Variants in CNTN5 observed in about 807,000 individuals in gnomAD.
The protein encoded by CNTN5 is contactin-5.
In CNTN5, 77 loss-of-function variants were observed where a neutral mutation model predicts 129.1. The ratio of observed to expected loss-of-function variants is 0.60; its 90% CI spans 0.50 to 0.72. The LOEUF is 0.72. Among genes scored for constraint, CNTN5 ranks in the 30% least tolerant of loss-of-function variants. CNTN5 has a pLI of 0.00. For synonymous variants in CNTN5, 509 were observed against 465.6 expected (o/e 1.09, Z -1.20); for missense variants, 1,478 against 1,328.8 (o/e 1.11, Z -1.75).
chr11:99,761,103 A>C (rs1454244315), intron 3 of CNTN5, among the ~76,000 whole-genome samples: 2 of 152,108 alleles, frequency 1.3e-5, no homozygotes, highest in Non-Finnish European at 2.9e-5. Flanking sequence ...TATGACAAGG[A>C]TGATATATGT....
At chr11:99,465,834 G>A (rs1437680265) in intron 2 of CNTN5, among the ~76,000 whole-genome samples, 8 of 151,172 alleles carry the variant, frequency 5.3e-5, no homozygotes, top group African/African-American at 1.2e-4. Context: ...TTACGTGGCC[G>A]GAACAGGAGG....
chr11:100,344,033 C>T (rs962115362), intron 23 of CNTN5, among the ~76,000 whole-genome samples: 3 of 151,912 alleles, frequency 2.0e-5, no homozygotes, highest in South Asian at 2.1e-4. Context: ...TCTTGCTCAT[C>T]GGGGAAAGGG....
chr11:99,640,526 G>A (rs689323), intron 3 of CNTN5, among the ~76,000 whole-genome samples: 91,445 of 152,032 alleles, frequency 0.6, 28,333 homozygotes, highest in Admixed American at 0.69. Flanking sequence ...CTTCCTCAAC[G>A]CTTGGGAATT....
rs561711017 is a variant in CNTN5, at chr11:100,355,417, A to G, written c.3200-700A>G. 8.6e-5 allele frequency among the ~76,000 whole-genome samples: 13 copies of G among 151,860 alleles called. No individual in the cohort carries two copies. The South Asian group carries it at 2.7e-3, about 31-fold the overall frequency. On this transcript the variant is annotated intron_variant, in intron 24 of 24. Transcript: ENST00000524871. ...GAAGCCCTTCTGAAGGACATGCCTG[A>G]AGTTGTTTTACAGTTAACTGTTATT...
At chr11:100,209,721 T>G (rs978712150) in intron 15 of CNTN5, among the ~76,000 whole-genome samples, 1 of 152,158 alleles carries the variant, frequency 6.6e-6, no homozygotes, top group Non-Finnish European at 1.5e-5. Flanking sequence ...AGCCACATTT[T>G]GATAAAAACA....
At chr11:99,698,860 T>C (rs1169275223) in intron 3 of CNTN5, among the ~76,000 whole-genome samples, 1 of 150,466 alleles carries the variant, frequency 6.6e-6, no homozygotes, top group East Asian at 2.0e-4. Flanking sequence ...TTCTATTAGG[T>C]ACTGATTAAA....
intron 15 of CNTN5, among the ~76,000 whole-genome samples, chr11:100,205,728 A>G (rs1008432024): frequency 1.3e-5 from 2 of 151,102 alleles, no homozygotes; most frequent in Non-Finnish European, 2.9e-5. Flanking sequence ...TAGCATTTAT[A>G]TTATATTAGA....
At position 99,260,394 on chromosome 11, in the gene CNTN5, G is replaced by T. The variant is rs541983932; in HGVS notation, c.-209-64952G>T. ...TTTAGAACTTTCTTTAAGAAAAAAT[G>T]GAATTTTAAAAATATTTTTGTTCAC... On this transcript the variant is annotated intron_variant, in intron 1 of 24. Coordinates refer to ENST00000524871, the MANE Select transcript of CNTN5 (RefSeq NM_014361.4). Among the ~76,000 whole-genome samples the T allele has an allele frequency of 2.0e-5, 3 of 151,648 alleles. No homozygotes were observed. The East Asian group carries it at 5.8e-4, about 29-fold the overall frequency.
intron 1 of CNTN5, among the ~76,000 whole-genome samples, chr11:99,084,503 T>C (rs1591165190): frequency 6.6e-6 from 1 of 152,232 alleles, no homozygotes. Context: ...ATTTGTGTTG[T>C]CCAGTGTACT....
Position 100,264,834 on chromosome 11 carries a change from T to G in CNTN5, c.2165-6258T>G, listed in dbSNP as rs546836891. ...CTGTCTTCCCCAAGGGTCGAGCTAA[T>G]TTACATTCCCACCAACAGTATAAAA... On this transcript the variant is annotated intron_variant, in intron 17 of 24. Coordinates refer to ENST00000524871, the MANE Select transcript of CNTN5 (RefSeq NM_014361.4). 3.9e-5 allele frequency among the ~76,000 whole-genome samples: 6 copies of G among 152,298 alleles called. No homozygotes were observed. In the South Asian group the frequency reaches 6.2e-4, roughly 16 times the overall value.
intron 16 of CNTN5, among the ~76,000 whole-genome samples, chr11:100,245,613 G>A (rs1021344224): frequency 6.6e-6 from 1 of 152,034 alleles, no homozygotes; most frequent in African/African-American, 2.4e-5. Flanking sequence ...AGGTAGAAAA[G>A]CTACCTCGAA....
intron 7 of CNTN5, among the ~76,000 whole-genome samples, chr11:99,928,231 C>G (rs975100472): frequency 2.6e-5 from 4 of 152,156 alleles, no homozygotes; most frequent in African/African-American, 9.6e-5. Context: ...CATGGGCTGG[C>G]ATTGTTTGTA....
intron 1 of CNTN5, among the ~76,000 whole-genome samples, chr11:99,236,749 G>A (rs929552862): frequency 9.9e-5 from 15 of 152,030 alleles, no homozygotes; most frequent in African/African-American, 3.6e-4. Flanking sequence ...ACATACGATC[G>A]AAGTAACTGC....
At chr11:99,140,606 T>C (rs1006049119) in intron 1 of CNTN5, among the ~76,000 whole-genome samples, 32 of 152,162 alleles carry the variant, frequency 2.1e-4, no homozygotes, top group African/African-American at 7.7e-4. Context: ...ATGTGTCCAT[T>C]CAGTATGATA....
At chr11:99,280,639 G>C (rs907654328) in intron 1 of CNTN5, among the ~76,000 whole-genome samples, 2 of 151,556 alleles carry the variant, frequency 1.3e-5, no homozygotes, top group Non-Finnish European at 2.9e-5. Context: ...TGATGGCTTT[G>C]AGGATCTCTG....
At chr11:100,351,912 T>A (rs1483897780) in intron 24 of CNTN5, among the ~76,000 whole-genome samples, 2 of 151,638 alleles carry the variant, frequency 1.3e-5, no homozygotes, top group South Asian at 4.1e-4. Context: ...TTGTGATTTT[T>A]TTTTTTATGC....
intron 4 of CNTN5, among the ~76,000 whole-genome samples, chr11:99,831,251 G>A (rs1293591754): frequency 1.3e-5 from 2 of 152,144 alleles, no homozygotes; most frequent in South Asian, 2.1e-4. Flanking sequence ...TCAGGATTCA[G>A]CAAACTCTTG....
At chr11:99,860,950 A>ATTTTTTTTTTTT (rs146364893) in intron 6 of CNTN5, among the ~76,000 whole-genome samples, 4 of 91,028 alleles carry the variant, frequency 4.4e-5, no homozygotes, top group African/African-American at 1.3e-4. Flanking sequence ...ATATGTCTTC[A>ATTTTTTTTTTTT]TTTTTTTTTT....
At chr11:99,807,045 A>G (rs1310203813) in intron 3 of CNTN5, among the ~76,000 whole-genome samples, 6 of 152,106 alleles carry the variant, frequency 3.9e-5, no homozygotes, top group African/African-American at 1.4e-4. Flanking sequence ...AAAAGAAAAT[A>G]TTTGATATAT....
Sources: gnomAD v4.1 joint callset for allele counts (sites outside exome capture counted in the v4.1 genomes callset) on GRCh38, gnomAD v4.1.1 for gene constraint, MANE v1.5 for transcripts, NCBI Gene and HGNC (gene_info 2026-07-23, HGNC 2026-07-21) for gene names.